The following AKR1C8 variants were observed in gnomAD, a reference collection of about 807,000 sequenced individuals.
AKR1C8 encodes aldo-keto reductase family 1 member C-like protein 1.
chr10:5,135,898 A>G, the AKR1C8 span, among the ~76,000 whole-genome samples: 1 of 152,200 alleles, frequency 6.6e-6, no homozygotes, highest in Non-Finnish European at 1.5e-5. Context: ...TGTAGAAGGA[A>G]TATTCATTCC....
the AKR1C8 span, among the ~76,000 whole-genome samples, chr10:5,157,441 C>T: frequency 0.28 from 42,782 of 152,030 alleles, 6,837 homozygotes; most frequent in Non-Finnish European, 0.36. Context: ...AGTGGCAAAG[C>T]CAAGCCTAGA....
At chr10:5,175,545 C>G in the AKR1C8 span, among the ~76,000 whole-genome samples, 1 of 152,162 alleles carries the variant, frequency 6.6e-6, no homozygotes, top group Non-Finnish European at 1.5e-5. Context: ...CCTGAGGAAT[C>G]GCCACACTGA....
At chr10:5,176,472 G>A in the AKR1C8 span, among the ~76,000 whole-genome samples, 3 of 149,474 alleles carry the variant, frequency 2.0e-5, no homozygotes, top group Non-Finnish European at 3.0e-5. Flanking sequence ...CTCTTTTTTG[G>A]TTCCATACGA....
At chr10:5,148,855 C>T in the AKR1C8 span, among the ~76,000 whole-genome samples, 1 of 151,998 alleles carries the variant, frequency 6.6e-6, no homozygotes, top group African/African-American at 2.4e-5. Flanking sequence ...CTTAGTAAGG[C>T]TCATTCCTAT....
chr10:5,175,840 T>C, the AKR1C8 span, among the ~76,000 whole-genome samples: 2 of 152,228 alleles, frequency 1.3e-5, no homozygotes, highest in Non-Finnish European at 2.9e-5. Context: ...TTTTTTCTTG[T>C]AAATTTGTTT....
chr10:5,149,042 A>G, the AKR1C8 span, among the ~76,000 whole-genome samples: 33 of 152,194 alleles, frequency 2.2e-4, no homozygotes, highest in Non-Finnish European at 3.8e-4. Context: ...CTCTACAGTC[A>G]GTAAGCACAA....
the AKR1C8 span, among the ~76,000 whole-genome samples, chr10:5,183,813 T>A: frequency 6.6e-6 from 1 of 151,560 alleles, no homozygotes; most frequent in Non-Finnish European, 1.5e-5. Flanking sequence ...TCCAGCTCAC[T>A]CAGATAAAAA....
chr10:5,167,713 G>T, the AKR1C8 span, among the ~76,000 whole-genome samples: 4 of 152,174 alleles, frequency 2.6e-5, no homozygotes, highest in Middle Eastern at 0.014. Flanking sequence ...ACACCAACAT[G>T]GCACATGTAT....
At chr10:5,172,661 G>A in the AKR1C8 span, among the ~76,000 whole-genome samples, 2 of 152,052 alleles carry the variant, frequency 1.3e-5, no homozygotes, top group African/African-American at 4.8e-5. Context: ...ATTAATAAAT[G>A]CAAACAAAAA....
chr10:5,170,009 T>G, the AKR1C8 span, among the ~76,000 whole-genome samples: 2 of 151,954 alleles, frequency 1.3e-5, no homozygotes, highest in Non-Finnish European at 2.9e-5. Context: ...TATTTAGGAG[T>G]TGATTCCTGT....
At chr10:5,149,399 A>G in the AKR1C8 span, among the ~76,000 whole-genome samples, 10 of 152,276 alleles carry the variant, frequency 6.6e-5, no homozygotes, top group South Asian at 2.1e-4. Context: ...TTATTGTTCA[A>G]TAGGCTCTTT....
chr10:5,122,119 G>T, the AKR1C8 span: 1 of 377,934 alleles, frequency 2.6e-6, no homozygotes, highest in Non-Finnish European at 5.4e-6. Flanking sequence ...TTTCCGTTGA[G>T]GCTGTCAATG....
chr10:5,134,797 C>T, the AKR1C8 span, among the ~76,000 whole-genome samples: 28 of 152,116 alleles, frequency 1.8e-4, no homozygotes, highest in African/African-American at 3.6e-4. Flanking sequence ...TAGAAAGAAA[C>T]GGAGAAACCA....
At chr10:5,144,099 C>T in the AKR1C8 span, among the ~76,000 whole-genome samples, 1 of 152,066 alleles carries the variant, frequency 6.6e-6, no homozygotes, top group African/African-American at 2.4e-5. Flanking sequence ...TATGGCTAGC[C>T]AGTTTTCCCG....
chr10:5,162,387 G>C, the AKR1C8 span, among the ~76,000 whole-genome samples: 2 of 152,182 alleles, frequency 1.3e-5, no homozygotes, highest in East Asian at 1.9e-4. Flanking sequence ...AACACACACA[G>C]GGTGCATCCC....
chr10:5,120,343 C>G, the AKR1C8 span, among the ~76,000 whole-genome samples: 1 of 149,200 alleles, frequency 6.7e-6, no homozygotes, highest in Admixed American at 6.7e-5. Context: ...CTCTATATTT[C>G]TGTGTGTGTG....
At chr10:5,156,415 C>G in the AKR1C8 span, among the ~76,000 whole-genome samples, 1 of 152,098 alleles carries the variant, frequency 6.6e-6, no homozygotes, top group African/African-American at 2.4e-5. Context: ...CATTTGTCAA[C>G]ACATAGTCCC....
At chr10:5,159,877 G>A in the AKR1C8 span, 8,142 of 513,182 alleles carry the variant, frequency 0.016, 104 homozygotes, top group Non-Finnish European at 0.024. Flanking sequence ...TGGGCTAAGG[G>A]CTCACCTGGT....
the AKR1C8 span, among the ~76,000 whole-genome samples, chr10:5,127,025 T>C: frequency 6.4e-4 from 98 of 152,250 alleles, 1 homozygote; most frequent in South Asian, 0.019. Context: ...TATGGTAATA[T>C]GACCAAACAA....
Sources: allele counts gnomAD v4.1 joint callset (sites outside exome capture counted in the v4.1 genomes callset), GRCh38; gene constraint gnomAD v4.1.1; transcripts MANE v1.5; gene names NCBI Gene and HGNC (gene_info 2026-07-23, HGNC 2026-07-21).